The following ZNF750 variants were observed in gnomAD, a reference collection of about 807,000 sequenced individuals.
ZNF750 encodes protein ZNF750.
A neutral mutation model predicts 31.6 loss-of-function variants in ZNF750; 10 were observed. That is an observed-to-expected ratio of 0.32 (90% CI 0.19 to 0.54). The LOEUF (loss-of-function observed/expected upper bound fraction) is 0.54. ZNF750 is among the 20% of genes least tolerant of loss of function. The pLI is 0.95. For synonymous variants in ZNF750, 400 were observed against 404.9 expected (o/e 0.99, Z 0.15); for missense variants, 914 against 934.9 (o/e 0.98, Z 0.29).
chr17:82,829,522 C>G lies in ZNF750; in HGVS notation c.*620G>C, dbSNP rs2053283801. On this transcript the variant is annotated 3_prime_UTR_variant, in exon 3 of 3. Coordinates refer to ENST00000269394, the MANE Select transcript of ZNF750 (RefSeq NM_024702.3). ...ATTGGAAAATTAGCAACATACACATCATTTTGGGGAATGGAAAGTGAGGCA... is the reference window on the plus strand; with the variant it reads ...ATTGGAAAATTAGCAACATACACATGATTTTGGGGAATGGAAAGTGAGGCA... The G allele has an allele frequency of 1.3e-5, 2 of 153,234 alleles. 1 individual carries two copies. The highest frequency in any genetic ancestry group is 4.1e-4 in the South Asian group (2 of 4,896). 9.5% of individuals were successfully genotyped at this position (153,234 alleles called of 1,614,324 possible). A position where few individuals can be genotyped will look rare whatever the true frequency, so the allele number is the denominator to read the frequency against.
intron 1 of ZNF750, among the ~76,000 whole-genome samples, chr17:82,834,011 C>G (rs1199199335): frequency 2.0e-5 from 3 of 151,918 alleles, no homozygotes; most frequent in Non-Finnish European, 2.9e-5. Context: ...ATGGCGCAAT[C>G]TCAGCTCACT....
intron 1 of ZNF750, chr17:82,839,004 T>C (rs1193283075): frequency 3.6e-5 from 35 of 982,900 alleles, no homozygotes; most frequent in Non-Finnish European, 4.2e-5. Flanking sequence ...AGAAATTTCA[T>C]ATAAGGAAAA....
In ZNF750 at chr17:82,835,189, A is replaced by G. The variant is rs1280729843; in HGVS notation, c.-182-2553T>C. On this transcript the variant is annotated intron_variant, in intron 1 of 2. Coordinates refer to ENST00000269394, the MANE Select transcript of ZNF750 (RefSeq NM_024702.3). This position sits in a 1 kb window ranked among gnomAD's most constrained non-coding sequence, Gnocchi z 4.5. ...TTTATGTGTAGACATCAGGGTGGCTAAAAGTCAAGTGAAAAGCCGCCCCTT... is the reference window on the plus strand; with the variant it reads ...TTTATGTGTAGACATCAGGGTGGCTGAAAGTCAAGTGAAAAGCCGCCCCTT... Among the ~76,000 whole-genome samples the G allele has an allele frequency of 2.0e-5, 3 of 152,108 alleles. No individual in the cohort carries two copies. Among genetic ancestry groups the G allele is most frequent in the Admixed American group, 6.5e-5 (1 of 15,278 alleles).
chr17:82,832,522 C>T lies in ZNF750; in HGVS notation c.-68G>A, dbSNP rs1298222805. On this transcript the variant is annotated 5_prime_UTR_variant, in exon 2 of 3. Transcript: ENST00000269394. This position sits in a 1 kb window ranked among gnomAD's most constrained non-coding sequence, Gnocchi z 4.9. ...ATCACTGTCGACGCCGCGTGCACTT[C>T]GTGGTTTCTAAAGAGGCACCTCCCG... is the stretch of plus-strand genomic sequence containing the variant. 18 of 1,441,436 alleles carry T rather than the reference C, an allele frequency of 1.2e-5. No homozygotes were observed. Among genetic ancestry groups the T allele is most frequent in the East Asian group, 2.3e-5 (1 of 44,124 alleles). 89.3% of individuals were successfully genotyped at this position (1,441,436 alleles called of 1,614,324 possible).
chr17:82,832,522 C>G lies in ZNF750; in HGVS notation c.-68G>C. ...ATCACTGTCGACGCCGCGTGCACTT[C>G]GTGGTTTCTAAAGAGGCACCTCCCG... On this transcript the variant is annotated 5_prime_UTR_variant, in exon 2 of 3. Coordinates refer to ENST00000269394, the MANE Select transcript of ZNF750 (RefSeq NM_024702.3). This position sits in a 1 kb window ranked among gnomAD's most constrained non-coding sequence, Gnocchi z 4.9. 6.9e-7 allele frequency: 1 copy of G among 1,441,554 alleles called. No individual in the cohort carries two copies. Among genetic ancestry groups the G allele is most frequent in the Non-Finnish European group, 9.6e-7 (1 of 1,037,702 alleles). 89.3% of individuals were successfully genotyped at this position (1,441,554 alleles called of 1,614,324 possible).
At chr17:82,834,890 ATACAT>A (rs1598808955) in intron 1 of ZNF750, among the ~76,000 whole-genome samples, 2 of 152,038 alleles carry the variant, frequency 1.3e-5, no homozygotes, top group South Asian at 2.1e-4. Flanking sequence ...TAAAAAAAAA[ATACAT>A]TAAAGTAAAG....
chr17:82,833,817 A>G lies in ZNF750; in HGVS notation c.-182-1181T>C, dbSNP rs537439454. On this transcript the variant is annotated intron_variant, in intron 1 of 2. Coordinates refer to ENST00000269394, the MANE Select transcript of ZNF750 (RefSeq NM_024702.3). The surrounding 1 kb of genome is among the most constrained non-coding windows in gnomAD (Gnocchi z 4.7). The stretch of plus-strand genomic sequence containing the variant: ...ACCCACTCAGGTCCTGGGACCCACC[A>G]GAGGCTGTGTGTGTGATGTCAGAGC... 1.3e-5 allele frequency among the ~76,000 whole-genome samples: 2 copies of G among 152,186 alleles called. No individual in the cohort carries two copies. The highest frequency in any genetic ancestry group is 4.8e-5 in the African/African-American group (2 of 41,464).
chr17:82,831,357 G>C lies in ZNF750; in HGVS notation c.1098C>G (p.Asn366Lys). Residue 366 changes from asparagine to lysine, a missense_variant, in exon 2 of 3, where the codon AAC becomes AAG. Physicochemically the swap from Asn to Lys is moderately conservative, Grantham distance 94. Around this residue, in one of 2 missense-constraint regions of ZNF750, gnomAD observed 880 missense variants for 868.9 expected, o/e 1.01. Transcript: ENST00000269394. This position sits in a 1 kb window ranked among gnomAD's most constrained non-coding sequence, Gnocchi z 4.6. ...VYPASSPSRL[N>K]PSDPNRKHVE... Reference sequence around the variant, plus strand: ...CGTGTTTTCTGTTGGGGTCCGAAGGGTTTAACCTGGAAGGACTCGAGGCTG... The same window carrying C: ...CGTGTTTTCTGTTGGGGTCCGAAGGCTTTAACCTGGAAGGACTCGAGGCTG... The C allele has an allele frequency of 5.0e-6, 8 of 1,614,114 alleles. No individual in the cohort carries two copies. Among genetic ancestry groups the C allele is most frequent in the Non-Finnish European group, 6.8e-6 (8 of 1,180,032 alleles).
Position 82,837,600 on chromosome 17 carries a change from CT to C in ZNF750, c.-183+2326del, listed in dbSNP as rs554465548. 8.5e-5 allele frequency among the ~76,000 whole-genome samples: 13 copies of C among 152,304 alleles called. No individual in the cohort carries two copies. In the East Asian group the frequency reaches 2.3e-3, roughly 27 times the overall value. ...TTCATTATCTGCTTTCATTTGAGAA[CT>C]GCAGTGCTAGCGTGTTTTACAGTGA... On this transcript the variant is annotated intron_variant, in intron 1 of 2. Coordinates refer to ENST00000269394, the MANE Select transcript of ZNF750 (RefSeq NM_024702.3).
Position 82,830,021 on chromosome 17 carries a change from T to C in ZNF750, c.*121A>G. ...TTTGTTTGTTTGTTTGTTTGTTTTT[T>C]TGAGAAGCAGCAGCTGCATTTGTAA... On this transcript the variant is annotated 3_prime_UTR_variant, in exon 3 of 3. Transcript: ENST00000269394. 2 of 1,480,958 alleles carry C rather than the reference T, an allele frequency of 1.4e-6. No individual in the cohort carries two copies. Among genetic ancestry groups the C allele is most frequent in the Non-Finnish European group, 9.2e-7 (1 of 1,089,898 alleles). The allele number at this position is 1,480,958 out of a possible 1,614,324, so 91.7% of individuals were successfully genotyped here.
rs1567855121 is a variant in ZNF750, at chr17:82,832,372, A to T, written c.83T>A (p.Phe28Tyr). The change falls in exon 2 of 3, where the codon TTC becomes TAC. Residue 28 changes from phenylalanine (F) to tyrosine (Y), a missense_variant. Around this residue, in one of 2 missense-constraint regions of ZNF750, gnomAD observed 34 missense variants for 66.0 expected, o/e 0.52. Transcript: ENST00000269394. This position sits in a 1 kb window ranked among gnomAD's most constrained non-coding sequence, Gnocchi z 4.9. ...CTCATTGCAAGTAAAGGGACATTGG[A>T]AACATTTATACTTGAAGGGCTTTCC... ...PPGKPFKYKC[F>Y]QCPFTCNEKS... 1 of 1,614,234 alleles carries T rather than the reference A, an allele frequency of 6.2e-7. No homozygotes were observed. Among genetic ancestry groups the T allele is most frequent in the Non-Finnish European group, 8.5e-7 (1 of 1,180,046 alleles).
chr17:82,838,335 TAA>T (rs11370957), intron 1 of ZNF750, among the ~76,000 whole-genome samples: 211 of 150,064 alleles, frequency 1.4e-3, no homozygotes, highest in African/African-American at 4.4e-3. Flanking sequence ...AAAGAGTTCT[TAA>T]AAAAAAAAAC....
chr17:82,839,183 G>A (rs1030062037), intron 1 of ZNF750, among the ~76,000 whole-genome samples: 2 of 152,174 alleles, frequency 1.3e-5, no homozygotes, highest in African/African-American at 4.8e-5. Context: ...AAACTAGATA[G>A]TAAATTCGGC....
rs2053424878 is a variant in ZNF750 at position 82,830,749 on chromosome 17, A to G, written c.1565T>C (p.Ile522Thr). 6.2e-7 allele frequency: 1 copy of G among 1,613,612 alleles called. No homozygotes were observed. The highest frequency in any genetic ancestry group is 1.3e-5 in the African/African-American group (1 of 74,822). The part of the protein sequence containing the change: ...GPLNLSKKSE[I>T]NLAATHEPTY... ...GGGTTCGTGGGTGGCTGCCAGGTTTATCTCTGATTTCTTGGAGAGGTTGAG... is the reference window on the plus strand; with the variant it reads ...GGGTTCGTGGGTGGCTGCCAGGTTTGTCTCTGATTTCTTGGAGAGGTTGAG... The change falls in exon 3 of 3, where the codon ATA becomes ACA. Residue 522 changes from isoleucine (I) to threonine (T), a missense_variant. By Grantham distance (89) the Ile-to-Thr change is moderately conservative (BLOSUM62 -1). This residue lies in a region of ZNF750 where 880 missense variants were observed against 868.9 expected (regional missense o/e 1.01). Coordinates refer to ENST00000269394, the MANE Select transcript of ZNF750 (RefSeq NM_024702.3).
Position 82,832,468 on chromosome 17 carries a change from C to T in ZNF750, c.-14G>A, listed in dbSNP as rs1304108613. On this transcript the variant is annotated 5_prime_UTR_variant, in exon 2 of 3. Transcript: ENST00000269394. The surrounding 1 kb of genome is among the most constrained non-coding windows in gnomAD (Gnocchi z 4.9). ...GAGGAGACTCATTTTCCTCCTTATG[C>T]CTTGGACTCTGGCTGTCCAGGTGGC... 6 of 1,605,440 alleles carry T rather than the reference C, an allele frequency of 3.7e-6. No homozygotes were observed. The South Asian group carries it at 6.6e-5, about 18-fold the overall frequency.
chr17:82,829,883 A>T lies in ZNF750; in HGVS notation c.*259T>A. On this transcript the variant is annotated 3_prime_UTR_variant, in exon 3 of 3. Transcript: ENST00000269394. ...TAAAAGATCTTCTGTAAGACAGCTT[A>T]GACTTGAAAATACATATCAGTCTTA... is the stretch of plus-strand genomic sequence containing the variant. 1.8e-6 allele frequency: 1 copy of T among 555,148 alleles called. No individual in the cohort carries two copies. The highest frequency in any genetic ancestry group is 3.1e-5 in the East Asian group (1 of 32,726). The allele number at this position is 555,148 out of a possible 1,614,324, so 34.4% of individuals were successfully genotyped here. A position where few individuals can be genotyped will look rare whatever the true frequency, so the allele number is the denominator to read the frequency against.
At position 82,832,466 on chromosome 17, in the gene ZNF750, T is replaced by C. The variant is rs750371363; in HGVS notation, c.-12A>G. 6.2e-7 allele frequency: 1 copy of C among 1,605,770 alleles called. No individual in the cohort carries two copies. The highest frequency in any genetic ancestry group is 1.1e-5 in the South Asian group (1 of 91,070). On this transcript the variant is annotated 5_prime_UTR_variant, in exon 2 of 3. Transcript: ENST00000269394. This position sits in a 1 kb window ranked among gnomAD's most constrained non-coding sequence, Gnocchi z 4.9. ...TTGAGGAGACTCATTTTCCTCCTTA[T>C]GCCTTGGACTCTGGCTGTCCAGGTG...
At chr17:82,836,099 A>G (rs1486132453) in intron 1 of ZNF750, among the ~76,000 whole-genome samples, 2 of 152,248 alleles carry the variant, frequency 1.3e-5, no homozygotes, top group Non-Finnish European at 2.9e-5. Flanking sequence ...TATTAGAAGA[A>G]AGAACGTGAA....
rs2053914344 is a variant in ZNF750 at position 82,835,738 on chromosome 17, T to G, written c.-182-3102A>C. ...CCGTGCCTGGCTCATTTATTTATAATTCTTAAAAACACAACCACCCTTCCC... is the reference window on the plus strand; with the variant it reads ...CCGTGCCTGGCTCATTTATTTATAAGTCTTAAAAACACAACCACCCTTCCC... On this transcript the variant is annotated intron_variant, in intron 1 of 2. Coordinates refer to ENST00000269394, the MANE Select transcript of ZNF750 (RefSeq NM_024702.3). The surrounding 1 kb of genome is among the most constrained non-coding windows in gnomAD (Gnocchi z 4.5). Among the ~76,000 whole-genome samples the G allele has an allele frequency of 6.6e-6, 1 of 152,192 alleles. No individual in the cohort carries two copies. The highest frequency in any genetic ancestry group is 1.5e-5 in the Non-Finnish European group (1 of 68,034).
Sources: gnomAD v4.1 joint callset for allele counts (sites outside exome capture counted in the v4.1 genomes callset) on GRCh38, gnomAD v4.1.1 for gene constraint, gnomAD v4.1.1 regional missense constraint, Gnocchi (gnomAD v3.1) non-coding constraint, MANE v1.5 for transcripts, NCBI Gene and HGNC (gene_info 2026-07-23, HGNC 2026-07-21) for gene names.